The following IARS1 variants were observed in gnomAD, a reference collection of about 807,000 sequenced individuals.
IARS1 encodes the protein isoleucine--tRNA ligase, cytoplasmic.
IARS1 carries 124 observed loss-of-function variants against 168.2 expected under a neutral mutation model. The observed-to-expected ratio is 0.74, with a 90% CI of 0.64 to 0.86. The LOEUF is 0.86. IARS1 is among the 40% of genes least tolerant of loss of function. The probability of loss-of-function intolerance (pLI) is 0.00; values close to 1 mark genes in which losing one functional copy is unlikely to be tolerated. For missense variants in IARS1, 1,452 were observed against 1,515.8 expected, an observed-to-expected ratio of 0.96 and a Z score of 0.70; for synonymous variants, 532 against 529.4, an observed-to-expected ratio of 1.00 and a Z score of -0.07.
chr9:92,283,983 C>T (rs1289060111), intron 6 of IARS1, among the ~76,000 whole-genome samples: 1 of 151,996 alleles, frequency 6.6e-6, no homozygotes, highest in Admixed American at 6.6e-5. Flanking sequence ...GAGTTCAAGA[C>T]CAGCCCAGGC....
At chr9:92,228,143 G>A (rs1055568743) in intron 31 of IARS1, among the ~76,000 whole-genome samples, 60 of 152,226 alleles carry the variant, frequency 3.9e-4, no homozygotes, top group Non-Finnish European at 7.4e-4. Flanking sequence ...AGACCAGCCC[G>A]ATGGCCACCT....
chr9:92,265,462 G>A lies in IARS1; in HGVS notation c.1505+18C>T, dbSNP rs758421882. 5 of 1,607,316 alleles carry A rather than the reference G, an allele frequency of 3.1e-6. No homozygotes were observed. Among genetic ancestry groups the A allele is most frequent in the South Asian group, 2.2e-5 (2 of 90,892 alleles). Reference sequence around the variant, plus strand: ...GAGAATCGTAAAACTGAAGTGAATCGAACATTTAGAAACTGACCTCTCTCT... The same window carrying A: ...GAGAATCGTAAAACTGAAGTGAATCAAACATTTAGAAACTGACCTCTCTCT... On this transcript the variant is annotated intron_variant, in intron 15 of 33. Coordinates refer to ENST00000443024, the MANE Select transcript of IARS1 (RefSeq NM_002161.6).
At chr9:92,283,347 A>C (rs1834937518) in intron 6 of IARS1, among the ~76,000 whole-genome samples, 1 of 152,128 alleles carries the variant, frequency 6.6e-6, no homozygotes, top group Non-Finnish European at 1.5e-5. Flanking sequence ...AATTAAGTAT[A>C]CTCTGTGACT....
intron 3 of IARS1, 30 bp from the exon 4 acceptor site, chr9:92,287,940 G>A (rs770039454): frequency 1.1e-5 from 18 of 1,610,580 alleles, no homozygotes; most frequent in African/African-American, 6.7e-5. Context: ...CTGTTACCAC[G>A]CTGCCCTATG....
intron 33 of IARS1, among the ~76,000 whole-genome samples, chr9:92,214,729 C>T (rs560730633): frequency 2.0e-5 from 3 of 152,328 alleles, no homozygotes; most frequent in South Asian, 2.1e-4. Context: ...TAAAAAACGG[C>T]GCACCACGAG....
rs1180659801 is a variant in IARS1, at chr9:92,256,698, A to G, written c.2119T>C (p.Phe707Leu). 1 of 1,613,658 alleles carries G rather than the reference A, an allele frequency of 6.2e-7. No homozygotes were observed. The highest frequency in any genetic ancestry group is 8.5e-7 in the Non-Finnish European group (1 of 1,179,790). ...LSFMQSLIGFFETEMAAYRLY... is the reference protein window; with the variant it reads ...LSFMQSLIGFLETEMAAYRLY... ...GACTCACCTGCCATTTCAGTCTCAA[A>G]GAAGCCAATGAGAGACTGCATGAAG... Residue 707 changes from phenylalanine to leucine, a missense_variant, in exon 20 of 34, where the codon TTT (phenylalanine) becomes CTT (leucine). Coordinates refer to ENST00000443024, the MANE Select transcript of IARS1 (RefSeq NM_002161.6).
rs1217937776 is a variant in IARS1 at position 92,219,363 on chromosome 9, G to A, written c.3706+3157C>T. On this transcript the variant is annotated intron_variant, in intron 33 of 33. Transcript: ENST00000443024. ...CATTCAGGACATAGGCATGGGCAAG[G>A]ACTTCATGTCTAAAACACCAAAAGC... Among the ~76,000 whole-genome samples, 7 of 151,554 alleles carry A rather than the reference G, an allele frequency of 4.6e-5. No individual in the cohort carries two copies. In the South Asian group the frequency reaches 1.0e-3, roughly 23 times the overall value.
chr9:92,242,480 A>G, intron 28 of IARS1, 150 bp from the exon 29 acceptor site: 1 of 613,662 alleles, frequency 1.6e-6, no homozygotes, highest in South Asian at 2.0e-5. Flanking sequence ...GATCCGTAAG[A>G]CTAACTGCAC....
Position 92,265,127 on chromosome 9 carries a change from A to C in IARS1, c.1506-4T>G, listed in dbSNP as rs190508616. The C allele has an allele frequency of 1.2e-5, 20 of 1,607,040 alleles. No homozygotes were observed. The highest frequency in any genetic ancestry group is 1.6e-5 in the Non-Finnish European group (19 of 1,177,198). ...AGGAATGGTCAGGTGGTCAACACTA[A>C]CAAACAGAAAAGTAGTCATTTCTAT... On this transcript the variant is annotated splice_polypyrimidine_tract_variant and splice_region_variant and intron_variant, in intron 15 of 33. Transcript: ENST00000443024.
intron 17 of IARS1, among the ~76,000 whole-genome samples, chr9:92,261,035 G>A (rs879791855): frequency 9.9e-5 from 15 of 152,186 alleles, no homozygotes; most frequent in Admixed American, 9.2e-4. Context: ...CCAGCTGGGT[G>A]CGGTGGCTCA....
intron 30 of IARS1, among the ~76,000 whole-genome samples, chr9:92,234,038 T>C (rs1319898532): frequency 6.6e-6 from 1 of 152,198 alleles, no homozygotes; most frequent in Admixed American, 6.5e-5. Flanking sequence ...TGGGAATACA[T>C]GCGTGAACCA....
At chr9:92,222,362 A>G (rs943461535) in intron 33 of IARS1, among the ~76,000 whole-genome samples, 158 bp downstream of exon 33, 5 of 150,356 alleles carry the variant, frequency 3.3e-5, no homozygotes, top group South Asian at 2.1e-4. Flanking sequence ...AAAAAAAAAA[A>G]AAAGAAAAGA....
At position 92,289,361 on chromosome 9, in the gene IARS1, T is replaced by TC; in HGVS notation, c.58dup (p.Glu20GlyfsTer5). On this transcript the variant is annotated frameshift_variant, in exon 2 of 34. Coordinates refer to ENST00000443024, the MANE Select transcript of IARS1 (RefSeq NM_002161.6). LOFTEE classifies it high-confidence loss of function. ...AAAACAATTAAATTCAGTCCAAAAC[T>TC]CCAAGATTTTCTCTTCTTCAGCAGG... The TC allele has an allele frequency of 6.3e-7, 1 of 1,597,276 alleles. No individual in the cohort carries two copies. The highest frequency in any genetic ancestry group is 8.6e-7 in the Non-Finnish European group (1 of 1,166,190).
At chr9:92,268,509 C>T (rs1832603869) in intron 13 of IARS1, among the ~76,000 whole-genome samples, 1 of 152,186 alleles carries the variant, frequency 6.6e-6, no homozygotes, top group Non-Finnish European at 1.5e-5. Context: ...CAATAGATTA[C>T]CCCACAGCAC....
At chr9:92,234,334 C>T (rs1327340961) in intron 30 of IARS1, among the ~76,000 whole-genome samples, 1 of 152,134 alleles carries the variant, frequency 6.6e-6, no homozygotes, top group Non-Finnish European at 1.5e-5. Context: ...ATGGTTTTTT[C>T]CCTCATAATA....
At chr9:92,215,656 G>T (rs1434808078) in intron 33 of IARS1, among the ~76,000 whole-genome samples, 1 of 152,040 alleles carries the variant, frequency 6.6e-6, no homozygotes, top group Non-Finnish European at 1.5e-5. Context: ...GCGATCAACT[G>T]GAAGAAAGAA....
intron 27 of IARS1, 43 bp from the exon 28 acceptor site, chr9:92,243,354 G>T: frequency 7.4e-7 from 1 of 1,344,944 alleles, no homozygotes; most frequent in Non-Finnish European, 1.1e-6. Context: ...CAAATAAGGA[G>T]AAACACTTCT....
Position 92,247,557 on chromosome 9 carries a change from G to A in IARS1, c.2617-6C>T, listed in dbSNP as rs771037388. The A allele has an allele frequency of 3.1e-6, 5 of 1,611,740 alleles. No homozygotes were observed. Among genetic ancestry groups the A allele is most frequent in the Non-Finnish European group, 4.2e-6 (5 of 1,178,746 alleles). On this transcript the variant is annotated splice_polypyrimidine_tract_variant and splice_region_variant and intron_variant, in intron 25 of 33. Coordinates refer to ENST00000443024, the MANE Select transcript of IARS1 (RefSeq NM_002161.6). Reference sequence around the variant, plus strand: ...ACTTTTCGAACATTGAGTTCCTACAGTTAATGCACAAGAGGAAACAAAAAT... The same window carrying A: ...ACTTTTCGAACATTGAGTTCCTACAATTAATGCACAAGAGGAAACAAAAAT...
chr9:92,245,912 G>A (rs7027344), intron 26 of IARS1, among the ~76,000 whole-genome samples: 4,666 of 151,964 alleles, frequency 0.031, 255 homozygotes, highest in African/African-American at 0.11. Flanking sequence ...AACTACAGGC[G>A]CCTGCCACCA....
Sources: allele counts gnomAD v4.1 joint callset (sites outside exome capture counted in the v4.1 genomes callset), GRCh38; gene constraint gnomAD v4.1.1; transcripts MANE v1.5; gene names NCBI Gene and HGNC (gene_info 2026-07-23, HGNC 2026-07-21).